The following CEP112 variants were observed in gnomAD, a reference collection of about 807,000 sequenced individuals.
CEP112 encodes centrosomal protein 112, also known as centrosomal protein of 112 kDa.
CEP112 carries 127 observed loss-of-function variants against 153.0 expected under a neutral mutation model. The ratio of observed to expected loss-of-function variants is 0.83; its 90% CI spans 0.72 to 0.96. CEP112 has a LOEUF of 0.96. Among genes scored for constraint, CEP112 ranks in the 40% least tolerant of loss-of-function variants. The pLI is 0.00. For synonymous variants in CEP112, 358 were observed against 374.4 expected (o/e 0.96, Z 0.51); for missense variants, 1,089 against 1,101.2 (o/e 0.99, Z 0.16).
chr17:65,870,065 G>GAAAGAAAGAAAGAAAGAAAAGAAAGA (rs2058614172), intron 20 of CEP112, among the ~76,000 whole-genome samples: 1 of 79,238 alleles, frequency 1.3e-5, no homozygotes, highest in Non-Finnish European at 2.8e-5. Flanking sequence ...AAGAAAGAAA[G>GAAAGAAAGAAAGAAAGAAAAGAAAGA]AAAGAAAGAA....
At position 66,029,775 on chromosome 17, in the gene CEP112, C is replaced by T. The variant is rs548707469; in HGVS notation, c.1373+94G>A. On this transcript the variant is annotated intron_variant, in intron 13 of 26. Coordinates refer to ENST00000535342, the MANE Select transcript of CEP112 (RefSeq NM_001199165.4). ...AGATTAGAAACTTCCCAAGGCTAAA[C>T]GCACAAGGTGTAATTAATTTTGGCA... The T allele has an allele frequency of 2.6e-5, 27 of 1,043,756 alleles. 1 individual carries two copies. Among genetic ancestry groups the T allele is most frequent in the South Asian group, 1.0e-4 (6 of 58,738 alleles). The allele number at this position is 1,043,756 out of a possible 1,614,324, so 64.7% of individuals were successfully genotyped here.
Position 66,161,454 on chromosome 17 carries a change from C to T in CEP112, c.470+13590G>A, listed in dbSNP as rs947647148. ...ACCCAAATGCCCATCAATAATAGAC[C>T]GGATAAAGAAAATGTGGCACATATA... On this transcript the variant is annotated intron_variant, in intron 4 of 26. Transcript: ENST00000535342. Among the ~76,000 whole-genome samples the T allele has an allele frequency of 4.5e-4, 68 of 151,740 alleles. 3 individuals are homozygous for T. Among genetic ancestry groups the T allele is most frequent in the African/African-American group, 1.2e-4 (5 of 41,300 alleles).
chr17:65,993,535 CAT>C (rs2063672044), intron 17 of CEP112, among the ~76,000 whole-genome samples: 1 of 151,976 alleles, frequency 6.6e-6, no homozygotes. Context: ...CCAAAAGAAA[CAT>C]ATAAGAATGT....
At chr17:65,976,735 C>CTTTTTT (rs771108755) in intron 17 of CEP112, among the ~76,000 whole-genome samples, 14 of 85,342 alleles carry the variant, frequency 1.6e-4, no homozygotes, top group East Asian at 2.6e-4. Flanking sequence ...ATAACTTTTT[C>CTTTTTT]TTTTTTTTTT....
intron 21 of CEP112, among the ~76,000 whole-genome samples, chr17:65,782,160 AC>A (rs2054031535): frequency 6.6e-6 from 1 of 152,130 alleles, no homozygotes; most frequent in Admixed American, 6.5e-5. Flanking sequence ...CAAACAAAAA[AC>A]AACCTCATAA....
intron 23 of CEP112, among the ~76,000 whole-genome samples, chr17:65,705,953 G>A (rs1283897674): frequency 6.6e-6 from 1 of 152,140 alleles, no homozygotes; most frequent in Non-Finnish European, 1.5e-5. Flanking sequence ...GAAATACACA[G>A]TGTAAAACGA....
chr17:66,128,919 T>C (rs1209077671), intron 6 of CEP112, among the ~76,000 whole-genome samples: 2 of 152,154 alleles, frequency 1.3e-5, no homozygotes, highest in East Asian at 3.8e-4. Flanking sequence ...AAAAGATATG[T>C]TATATAACAA....
intron 4 of CEP112, among the ~76,000 whole-genome samples, chr17:66,169,680 A>G (rs2072162540): frequency 1.3e-5 from 2 of 152,170 alleles, no homozygotes; most frequent in African/African-American, 2.4e-5. Flanking sequence ...GATAAAGAGG[A>G]CACAGAAGGA....
intron 21 of CEP112, among the ~76,000 whole-genome samples, chr17:65,792,255 T>A (rs747121373): frequency 2.4e-4 from 36 of 152,156 alleles, no homozygotes; most frequent in Non-Finnish European, 4.9e-4. Flanking sequence ...CTTAATAATT[T>A]AGCATAAGAA....
intron 21 of CEP112, among the ~76,000 whole-genome samples, chr17:65,773,742 C>T (rs1195607301): frequency 6.6e-6 from 1 of 152,088 alleles, no homozygotes; most frequent in African/African-American, 2.4e-5. Context: ...TCTACTCAGC[C>T]CTGCCCAGCT....
In CEP112 at chr17:66,036,530, T is replaced by C. The variant is rs934882806; in HGVS notation, c.1219-6507A>G. ...AACAGCCACCACTGAACCCTCATTA[T>C]AGGTCAGGCACTGTGCTAAGTGTTT... On this transcript the variant is annotated intron_variant, in intron 12 of 26. Transcript: ENST00000535342. Among the ~76,000 whole-genome samples, 6 of 152,204 alleles carry C rather than the reference T, an allele frequency of 3.9e-5. No homozygotes were observed. In the East Asian group the frequency reaches 9.6e-4, roughly 24 times the overall value.
At chr17:65,923,061 C>A (rs7215398) in intron 19 of CEP112, among the ~76,000 whole-genome samples, 128,569 of 152,098 alleles carry the variant, frequency 0.85, 55,186 homozygotes, top group South Asian at 0.97. Context: ...GGGGAAATAC[C>A]TATTTTTAAT....
At chr17:65,794,550 G>A (rs2054790623) in intron 21 of CEP112, among the ~76,000 whole-genome samples, 1 of 152,076 alleles carries the variant, frequency 6.6e-6, no homozygotes, top group African/African-American at 2.4e-5. Context: ...ACTCCCCCTG[G>A]CGAAACTCTC....
intron 12 of CEP112, among the ~76,000 whole-genome samples, chr17:66,042,844 A>T (rs914449872): frequency 2.7e-4 from 15 of 55,648 alleles, no homozygotes; most frequent in East Asian, 0.018. Context: ...AAAACTATTA[A>T]AAAAAAGTGT....
chr17:65,750,351 T>C (rs1204394422), intron 22 of CEP112, among the ~76,000 whole-genome samples: 1 of 152,202 alleles, frequency 6.6e-6, no homozygotes, highest in Non-Finnish European at 1.5e-5. Context: ...CCTGTCCTTG[T>C]GAAGTATGTT....
intron 17 of CEP112, among the ~76,000 whole-genome samples, chr17:66,000,840 A>T (rs1261357446): frequency 6.6e-6 from 1 of 152,194 alleles, no homozygotes; most frequent in Non-Finnish European, 1.5e-5. Context: ...CATCTGGTGG[A>T]ACCCCATGAT....
At chr17:65,922,650 G>A (rs2060776965) in intron 19 of CEP112, among the ~76,000 whole-genome samples, 2 of 151,912 alleles carry the variant, frequency 1.3e-5, no homozygotes, top group Non-Finnish European at 2.9e-5. Context: ...CACTCATCCT[G>A]TAGTATCATA....
intron 4 of CEP112, among the ~76,000 whole-genome samples, chr17:66,169,574 G>A (rs1206447281): frequency 1.3e-5 from 2 of 152,030 alleles, no homozygotes; most frequent in South Asian, 2.1e-4. Flanking sequence ...ATAAGCCACC[G>A]CACCCGGCCT....
chr17:65,857,827 G>A (rs1054128388), intron 20 of CEP112, among the ~76,000 whole-genome samples: 7 of 152,000 alleles, frequency 4.6e-5, no homozygotes, highest in Non-Finnish European at 7.4e-5. Context: ...TGAGTTATTT[G>A]TTTCTTAAAT....
Sources: gnomAD v4.1 joint callset for allele counts (sites outside exome capture counted in the v4.1 genomes callset) on GRCh38, gnomAD v4.1.1 for gene constraint, MANE v1.5 for transcripts, NCBI Gene and HGNC (gene_info 2026-07-23, HGNC 2026-07-21) for gene names.